UPP2: variants seen among roughly 807,000 people sequenced by gnomAD.
The protein encoded by UPP2 is UPase 2.
In UPP2, 23 loss-of-function variants were observed where a neutral mutation model predicts 26.7. The observed-to-expected ratio is 0.86, with a 90% confidence interval of 0.62 to 1.22. The LOEUF (loss-of-function observed/expected upper bound fraction) is 1.22, where lower values mean the gene tolerates loss of function less well. Among genes scored for constraint, UPP2 ranks in the 50% most tolerant of loss-of-function variants. The pLI is 0.00. For synonymous variants in UPP2, 127 were observed against 141.3 expected (o/e 0.90, Z 0.72); for missense variants, 387 against 396.7 (o/e 0.98, Z 0.21).
chr2:158,041,027 T>C (rs1329609508), intron 3 of UPP2, among the ~76,000 whole-genome samples: 1 of 152,188 alleles, frequency 6.6e-6, no homozygotes, highest in Non-Finnish European at 1.5e-5. Context: ...TTTTCTTACT[T>C]GTAAAAATGG....
At chr2:158,023,436 C>T (rs1196394502) in intron 3 of UPP2, among the ~76,000 whole-genome samples, 6 of 152,194 alleles carry the variant, frequency 3.9e-5, no homozygotes, top group Non-Finnish European at 8.8e-5. Context: ...TAAAGAGCCT[C>T]CTCTCCCTCT....
At chr2:158,050,797 T>C (rs564250023) in intron 3 of UPP2, among the ~76,000 whole-genome samples, 16 of 152,342 alleles carry the variant, frequency 1.1e-4, no homozygotes, top group African/African-American at 3.6e-4. Flanking sequence ...ATAATGTAAC[T>C]GAATATGAAC....
chr2:158,040,742 C>A (rs1344869876), intron 3 of UPP2, among the ~76,000 whole-genome samples: 1 of 152,184 alleles, frequency 6.6e-6, no homozygotes, highest in Non-Finnish European at 1.5e-5. Context: ...CCTTTGACAT[C>A]TTTAGCTCTC....
At chr2:158,030,905 C>G (rs980193739) in intron 3 of UPP2, among the ~76,000 whole-genome samples, 1 of 152,156 alleles carries the variant, frequency 6.6e-6, no homozygotes, top group Non-Finnish European at 1.5e-5. Context: ...CTCTTCTGAC[C>G]TCTTGGGAGC....
At chr2:158,110,791 T>C (rs966456342) in intron 2 of UPP2, among the ~76,000 whole-genome samples, 1 of 152,186 alleles carries the variant, frequency 6.6e-6, no homozygotes, top group Non-Finnish European at 1.5e-5. Flanking sequence ...TTTCATGTGT[T>C]TTTTGGCTGC....
intron 3 of UPP2, chr2:158,015,973 C>T (rs1427018782): frequency 1.2e-5 from 4 of 322,198 alleles, no homozygotes; most frequent in South Asian, 7.0e-5. Flanking sequence ...AACGCATATA[C>T]CCAGAAGTGA....
chr2:158,018,601 G>A (rs1574247839), intron 3 of UPP2, among the ~76,000 whole-genome samples: 1 of 152,330 alleles, frequency 6.6e-6, no homozygotes, highest in East Asian at 1.9e-4. Context: ...TGGGGGAAGG[G>A]GGCTGCATAA....
At chr2:158,028,417 C>T (rs906226920) in intron 3 of UPP2, among the ~76,000 whole-genome samples, 5 of 152,194 alleles carry the variant, frequency 3.3e-5, no homozygotes, top group Non-Finnish European at 7.3e-5. Flanking sequence ...CAGTTCCCAA[C>T]AAGCTCCTCA....
chr2:158,129,367 C>T (rs779742997), intron 6 of UPP2, among the ~76,000 whole-genome samples: 6 of 152,098 alleles, frequency 3.9e-5, no homozygotes, highest in Non-Finnish European at 8.8e-5. Flanking sequence ...ATCTGGACCT[C>T]CTGGAGAAGA....
At chr2:158,034,121 G>A (rs1056334509) in intron 3 of UPP2, among the ~76,000 whole-genome samples, 1 of 151,630 alleles carries the variant, frequency 6.6e-6, no homozygotes, top group African/African-American at 2.4e-5. Flanking sequence ...AGGAGGAAAA[G>A]CCATAAGAAT....
At chr2:158,014,919 G>A (rs970462983) in intron 2 of UPP2, among the ~76,000 whole-genome samples, 13 of 152,118 alleles carry the variant, frequency 8.5e-5, no homozygotes, top group Admixed American at 8.5e-4. Context: ...AGATTATTTT[G>A]CAATGCCTAG....
intron 3 of UPP2, among the ~76,000 whole-genome samples, chr2:158,091,458 A>G (rs1182098107): frequency 2.6e-5 from 4 of 152,360 alleles, no homozygotes; most frequent in Non-Finnish European, 4.4e-5. Flanking sequence ...CGGTTTTTAA[A>G]TATAGGTTAA....
chr2:158,002,733 T>C (rs1250316221), intron 2 of UPP2, among the ~76,000 whole-genome samples: 6 of 152,230 alleles, frequency 3.9e-5, no homozygotes, highest in Non-Finnish European at 7.3e-5. Flanking sequence ...TCCATTGCTG[T>C]GTTGCTATTG....
At chr2:157,995,195 T>C in exon 2 of UPP2, 1 of 1,613,704 alleles carries the variant, frequency 6.2e-7, no homozygotes, top group Non-Finnish European at 8.5e-7. Context: ...TCACCAGTGC[T>C]GCCATGCTGG....
At chr2:158,104,378 A>G (rs1296486955) in intron 1 of UPP2, among the ~76,000 whole-genome samples, 1 of 152,242 alleles carries the variant, frequency 6.6e-6, no homozygotes, top group Non-Finnish European at 1.5e-5. Context: ...TTTGAAGGAC[A>G]AAGGCCTGAA....
chr2:158,083,517 G>A (rs550455700), intron 3 of UPP2, among the ~76,000 whole-genome samples: 133 of 151,968 alleles, frequency 8.8e-4, no homozygotes, highest in African/African-American at 3.0e-3. Context: ...AGAACACATG[G>A]ACACAGGGAG....
intron 3 of UPP2, among the ~76,000 whole-genome samples, chr2:158,092,592 C>A (rs903076264): frequency 1.3e-5 from 2 of 151,998 alleles, no homozygotes; most frequent in Non-Finnish European, 2.9e-5. Flanking sequence ...AGAAAGAAAC[C>A]CAGAAGGAAG....
chr2:158,006,304 C>T (rs1683486550), intron 2 of UPP2, among the ~76,000 whole-genome samples: 1 of 151,908 alleles, frequency 6.6e-6, no homozygotes, highest in Non-Finnish European at 1.5e-5. Flanking sequence ...TTAGTCTTTA[C>T]TAAGAATATA....
chr2:158,035,243 C>T lies in UPP2; in HGVS notation c.147+19357C>T, dbSNP rs1472156009. Among the ~76,000 whole-genome samples the T allele has an allele frequency of 2.6e-5, 4 of 151,786 alleles. No individual in the cohort carries two copies. The East Asian group carries it at 5.8e-4, about 22-fold the overall frequency. On this transcript the variant is annotated intron_variant, in intron 3 of 9. Coordinates refer to the UPP2 transcript ENST00000605860. ...TGCGATTTCAGCTCACTGCAACCTCCGCCTCCTGGGTTCAAGCGATTCTCC... is the reference window on the plus strand; with the variant it reads ...TGCGATTTCAGCTCACTGCAACCTCTGCCTCCTGGGTTCAAGCGATTCTCC...
Sources: allele counts gnomAD v4.1 joint callset (sites outside exome capture counted in the v4.1 genomes callset), GRCh38; gene constraint gnomAD v4.1.1; transcripts MANE v1.5; gene names NCBI Gene and HGNC (gene_info 2026-07-23, HGNC 2026-07-21).